The following TAFA2 variants were observed in gnomAD, a reference collection of about 807,000 sequenced individuals.
TAFA2 encodes chemokine-like protein TAFA-2.
TAFA2 carries 7 observed loss-of-function variants against 18.8 expected under a neutral mutation model. That is an observed-to-expected ratio of 0.37 (90% CI 0.21 to 0.70). The LOEUF (loss-of-function observed/expected upper bound fraction) is 0.70, where lower values mean the gene tolerates loss of function less well. Among genes scored for constraint, TAFA2 ranks in the 30% least tolerant of loss-of-function variants. The pLI is 0.53. For synonymous variants in TAFA2, 60 were observed against 54.2 expected (o/e 1.11, Z -0.47); for missense variants, 122 against 158.1 (o/e 0.77, Z 1.23).
At chr12:61,722,440 T>A (rs1869949027) in intron 4 of TAFA2, among the ~76,000 whole-genome samples, 1 of 152,128 alleles carries the variant, frequency 6.6e-6, no homozygotes, top group Non-Finnish European at 1.5e-5. Flanking sequence ...TGCCTTTATT[T>A]AGATATATCA....
At chr12:62,167,018 A>G (rs1165224600) in intron 1 of TAFA2, among the ~76,000 whole-genome samples, 1 of 152,176 alleles carries the variant, frequency 6.6e-6, no homozygotes, top group East Asian at 1.9e-4. Flanking sequence ...AAAATGACTT[A>G]GCGATGTTTC....
At chr12:61,725,547 T>C (rs1870121550) in intron 4 of TAFA2, among the ~76,000 whole-genome samples, 4 of 150,376 alleles carry the variant, frequency 2.7e-5, no homozygotes, top group Admixed American at 6.6e-5. Flanking sequence ...GGGTGTCCTT[T>C]CCCCACTTTA....
chr12:62,124,080 A>C (rs1870343213), intron 1 of TAFA2, among the ~76,000 whole-genome samples: 1 of 152,172 alleles, frequency 6.6e-6, no homozygotes, highest in African/African-American at 2.4e-5. Context: ...TTTTTAAACC[A>C]CTGCGAATCA....
intron 2 of TAFA2, among the ~76,000 whole-genome samples, chr12:61,789,144 T>C (rs1404235252): frequency 6.6e-6 from 1 of 151,920 alleles, no homozygotes; most frequent in Non-Finnish European, 1.5e-5. Context: ...CTCTTTAGTT[T>C]AGTTAGATCC....
chr12:61,973,618 T>C lies in TAFA2; in HGVS notation c.-1-106192A>G, dbSNP rs905877049. 6.6e-5 allele frequency among the ~76,000 whole-genome samples: 10 copies of C among 151,668 alleles called. 1 individual carries two copies. The highest frequency in any genetic ancestry group is 2.0e-4 in the Admixed American group (3 of 15,168). ...AATCCCCTAGGGTGAGGCAAAGACC[T>C]TGTTATTTTTTTGAAGCTCCCCAGG... is the stretch of plus-strand genomic sequence containing the variant. On this transcript the variant is annotated intron_variant, in intron 1 of 4. Transcript: ENST00000416284.
chr12:61,893,731 TTTAG>T (rs1384884650), intron 1 of TAFA2, among the ~76,000 whole-genome samples: 1 of 152,204 alleles, frequency 6.6e-6, no homozygotes, highest in African/African-American at 2.4e-5. Context: ...TTTTCTATGT[TTTAG>T]TTTGTGCAAA....
intron 1 of TAFA2, among the ~76,000 whole-genome samples, chr12:61,895,697 G>A (rs184357703): frequency 5.4e-4 from 82 of 152,262 alleles, no homozygotes; most frequent in Admixed American, 2.0e-3. Context: ...GAGAGTGAAC[G>A]TTTTAGAGGC....
chr12:62,149,120 T>C (rs1432839556), intron 1 of TAFA2, among the ~76,000 whole-genome samples: 14 of 152,186 alleles, frequency 9.2e-5, no homozygotes, highest in Admixed American at 9.2e-4. Context: ...TTGCTTTCAG[T>C]TCCAAGACAA....
chr12:61,951,698 C>A (rs1285391096), intron 1 of TAFA2, among the ~76,000 whole-genome samples: 1 of 151,804 alleles, frequency 6.6e-6, no homozygotes, highest in African/African-American at 2.4e-5. Context: ...TTTCTTTCTC[C>A]GGATGACACT....
intron 2 of TAFA2, among the ~76,000 whole-genome samples, chr12:61,799,189 G>T (rs576069759): frequency 5.3e-5 from 8 of 152,292 alleles, no homozygotes; most frequent in African/African-American, 1.9e-4. Context: ...GTATCACAGA[G>T]TCTGTTTATA....
At chr12:61,743,603 C>T (rs543446066) in intron 4 of TAFA2, among the ~76,000 whole-genome samples, 1 of 152,148 alleles carries the variant, frequency 6.6e-6, no homozygotes, top group South Asian at 2.1e-4. Flanking sequence ...AAGCTCAACA[C>T]CACCCTTTAT....
At chr12:62,106,898 T>C (rs904295431) in intron 1 of TAFA2, among the ~76,000 whole-genome samples, 1 of 152,148 alleles carries the variant, frequency 6.6e-6, no homozygotes, top group African/African-American at 2.4e-5. Flanking sequence ...TTTTTTTTAT[T>C]ATTATTTCAG....
chr12:62,001,857 T>G (rs949868094), intron 1 of TAFA2, among the ~76,000 whole-genome samples: 4 of 151,872 alleles, frequency 2.6e-5, no homozygotes, highest in Non-Finnish European at 4.4e-5. Context: ...CAGATGAAAA[T>G]AAGATATTAT....
intron 2 of TAFA2, among the ~76,000 whole-genome samples, chr12:61,849,375 T>C (rs1423103016): frequency 6.6e-6 from 1 of 152,238 alleles, no homozygotes; most frequent in Non-Finnish European, 1.5e-5. Context: ...TCTGTACTCA[T>C]AATGAACTTA....
chr12:62,247,605 T>C (rs901384653), intron 1 of TAFA2, among the ~76,000 whole-genome samples: 1 of 152,206 alleles, frequency 6.6e-6, no homozygotes, highest in Non-Finnish European at 1.5e-5. Flanking sequence ...ACACAACAAT[T>C]TTCTAGATAG....
intron 1 of TAFA2, among the ~76,000 whole-genome samples, chr12:62,063,021 T>C (rs1166632334): frequency 6.6e-6 from 1 of 152,100 alleles, no homozygotes; most frequent in Admixed American, 6.6e-5. Context: ...GGACTCATGA[T>C]TAGAGGGCAT....
At chr12:61,941,470 C>T (rs1196358459) in intron 1 of TAFA2, among the ~76,000 whole-genome samples, 1 of 152,186 alleles carries the variant, frequency 6.6e-6, no homozygotes, top group Non-Finnish European at 1.5e-5. Context: ...CGAATAGGAA[C>T]AGCTCCAGTC....
intron 1 of TAFA2, among the ~76,000 whole-genome samples, chr12:61,886,167 C>T (rs1475559448): frequency 6.6e-6 from 1 of 152,176 alleles, no homozygotes; most frequent in African/African-American, 2.4e-5. Context: ...TCAGACCTCC[C>T]TCTTGTCATT....
chr12:62,143,608 A>G (rs1425248164), intron 1 of TAFA2, among the ~76,000 whole-genome samples: 1 of 152,084 alleles, frequency 6.6e-6, no homozygotes, highest in African/African-American at 2.4e-5. Context: ...CTAGACCAAT[A>G]CAGCCCACAA....
Sources: gnomAD v4.1 joint callset for allele counts (sites outside exome capture counted in the v4.1 genomes callset) on GRCh38, gnomAD v4.1.1 for gene constraint, MANE v1.5 for transcripts, NCBI Gene and HGNC (gene_info 2026-07-23, HGNC 2026-07-21) for gene names.